The following VAMP4 variants were observed in gnomAD, a reference collection of about 807,000 sequenced individuals.
VAMP4 encodes vesicle associated membrane protein 4.
A neutral mutation model predicts 23.5 loss-of-function variants in VAMP4; 19 were observed. The ratio of observed to expected loss-of-function variants is 0.81; its 90% CI spans 0.56 to 1.19. VAMP4 has a LOEUF of 1.19. Ranked by LOEUF, VAMP4 falls within the 50% of genes most tolerant of loss-of-function variation. The pLI is 0.00. For missense variants in VAMP4, 145 were observed against 168.6 expected (o/e 0.86, Z 0.78); for synonymous variants, 31 against 51.0 (o/e 0.61, Z 1.67).
intron 2 of VAMP4, among the ~76,000 whole-genome samples, chr1:171,735,668 C>A (rs377480084): frequency 1.3e-5 from 2 of 152,102 alleles, no homozygotes; most frequent in Non-Finnish European, 2.9e-5. Context: ...TTCTTCTAAC[C>A]GATGATTTAA....
At position 171,709,736 on chromosome 1, in the gene VAMP4, A is replaced by G. The variant is rs745830452; in HGVS notation, c.274T>C (p.Ser92Pro). Residue 92 changes from serine (S) to proline (P), a missense_variant, in exon 6 of 8, where the codon TCG (serine) becomes CCG (proline). Transcript: ENST00000236192. ...TTGCTAAAAGCTGTTGCATTATCCG[A>G]TAAGCTTTCTATATCACATAGAGGA... Reference protein sequence around the residue: ...DELQDKSESLSDNATAFSNRS... With the variant: ...DELQDKSESLPDNATAFSNRS... 6 of 1,612,584 alleles carry G rather than the reference A, an allele frequency of 3.7e-6. No individual in the cohort carries two copies. Among genetic ancestry groups the G allele is most frequent in the Non-Finnish European group, 5.1e-6 (6 of 1,179,006 alleles).
In VAMP4 at chr1:171,709,754, A is replaced by G; in HGVS notation, c.266-10T>C. 6.2e-7 allele frequency: 1 copy of G among 1,603,976 alleles called. No individual in the cohort carries two copies. Among genetic ancestry groups the G allele is most frequent in the Non-Finnish European group, 8.5e-7 (1 of 1,171,178 alleles). ...TTATCCGATAAGCTTTCTATATCAC[A>G]TAGAGGATGGAGAGAAGGATTAAAC... On this transcript the variant is annotated splice_polypyrimidine_tract_variant and intron_variant, in intron 5 of 7. Transcript: ENST00000236192.
chr1:171,717,491 C>T (rs1191925304), intron 4 of VAMP4, among the ~76,000 whole-genome samples: 3 of 152,166 alleles, frequency 2.0e-5, no homozygotes, highest in East Asian at 1.9e-4. Context: ...TTTCTTATCA[C>T]CTCCCAGGTT....
At position 171,703,423 on chromosome 1, in the gene VAMP4, G is replaced by GTATATATA. The variant is rs1404198626; in HGVS notation, c.*1082_*1083insTATATATA. 7 of 81,926 alleles carry GTATATATA rather than the reference G, an allele frequency of 8.5e-5. No homozygotes were observed. The highest frequency in any genetic ancestry group is 1.5e-4 in the Admixed American group (1 of 6,836). 5.1% of individuals were successfully genotyped at this position (81,926 alleles called of 1,614,324 possible). A position where few individuals can be genotyped will look rare whatever the true frequency, so the allele number is the denominator to read the frequency against. Reference sequence around the variant, plus strand: ...TGTGTGTGTGTGTGTGTGTGTTTGTGTGTATATATATATATATATATATAT... The same window carrying GTATATATA: ...TGTGTGTGTGTGTGTGTGTGTTTGTGTATATATATGTATATATATATATATATATATAT... On this transcript the variant is annotated 3_prime_UTR_variant, in exon 8 of 8. Transcript: ENST00000236192.
chr1:171,738,702 T>C (rs951100619), intron 1 of VAMP4, among the ~76,000 whole-genome samples: 2 of 152,150 alleles, frequency 1.3e-5, no homozygotes, highest in South Asian at 2.1e-4. Context: ...ATGTGTAGGA[T>C]ATGAGTGATT....
rs1654510686 is a variant in VAMP4 at position 171,703,304 on chromosome 1, T to TAA, written c.*1200_*1201dup. ...CAAGGAGGTTGGCATATTTTAAAGT[T>TAA]AACACATTTTTTCATTATAAAAACA... On this transcript the variant is annotated 3_prime_UTR_variant, in exon 8 of 8. Coordinates refer to ENST00000236192, the MANE Select transcript of VAMP4 (RefSeq NM_003762.5). 1 of 150,732 alleles carries TAA rather than the reference T, an allele frequency of 6.6e-6. No homozygotes were observed. The highest frequency in any genetic ancestry group is 2.4e-5 in the African/African-American group (1 of 41,088). 9.3% of individuals were successfully genotyped at this position (150,732 alleles called of 1,614,324 possible).
At chr1:171,709,633 C>A in intron 6 of VAMP4, 32 bp downstream of exon 6, 8 of 1,602,554 alleles carry the variant, frequency 5.0e-6, no homozygotes, top group Non-Finnish European at 6.8e-6. Flanking sequence ...CAGATGCTGA[C>A]CAGTCTATCC....
At chr1:171,708,704 A>C (rs1442724006) in intron 6 of VAMP4, among the ~76,000 whole-genome samples, 2 of 150,944 alleles carry the variant, frequency 1.3e-5, no homozygotes, top group African/African-American at 4.9e-5. Context: ...CTACTAAAAA[A>C]AAAAAAAACA....
intron 2 of VAMP4, 93 bp downstream of exon 2, chr1:171,738,256 C>T: frequency 7.0e-7 from 1 of 1,438,588 alleles, no homozygotes; most frequent in Non-Finnish European, 9.6e-7. Flanking sequence ...GCATGAGCAA[C>T]CACGCCCGGA....
Position 171,702,257 on chromosome 1 carries a change from C to G in VAMP4, c.*2249G>C, listed in dbSNP as rs967442204. The G allele has an allele frequency of 2.0e-5, 3 of 151,774 alleles. No homozygotes were observed. Among genetic ancestry groups the G allele is most frequent in the African/African-American group, 7.3e-5 (3 of 41,356 alleles). The allele number at this position is 151,774 out of a possible 1,614,324, so 9.4% of individuals were successfully genotyped here. On this transcript the variant is annotated 3_prime_UTR_variant, in exon 8 of 8. Coordinates refer to ENST00000236192, the MANE Select transcript of VAMP4 (RefSeq NM_003762.5). ...TTAAGGATTTCAGGATTAATCAAGA[C>G]CAAGAAAGATGAAATGATGAATTAC... is the stretch of plus-strand genomic sequence containing the variant.
intron 3 of VAMP4, among the ~76,000 whole-genome samples, chr1:171,721,084 T>C (rs1208771432): frequency 6.6e-6 from 1 of 152,072 alleles, no homozygotes; most frequent in Non-Finnish European, 1.5e-5. Context: ...AAATAAATGC[T>C]TGACAAAATC....
Position 171,703,896 on chromosome 1 carries a change from C to T in VAMP4, c.*610G>A, listed in dbSNP as rs1305353509. Reference sequence around the variant, plus strand: ...AATTTCCATTTCCATAATCCAATGCCAAAAAAATTACTACACATTCTCTTA... The same window carrying T: ...AATTTCCATTTCCATAATCCAATGCTAAAAAAATTACTACACATTCTCTTA... On this transcript the variant is annotated 3_prime_UTR_variant, in exon 8 of 8. Coordinates refer to ENST00000236192, the MANE Select transcript of VAMP4 (RefSeq NM_003762.5). The T allele has an allele frequency of 1.3e-5, 2 of 152,058 alleles. No homozygotes were observed. The highest frequency in any genetic ancestry group is 4.8e-5 in the African/African-American group (2 of 41,306). The allele number at this position is 152,058 out of a possible 1,614,324, so 9.4% of individuals were successfully genotyped here. A position where few individuals can be genotyped will look rare whatever the true frequency, so the allele number is the denominator to read the frequency against.
chr1:171,719,661 C>T (rs1029837405), intron 3 of VAMP4, among the ~76,000 whole-genome samples: 2 of 151,776 alleles, frequency 1.3e-5, no homozygotes, highest in East Asian at 1.9e-4. Context: ...AGTGAACTGC[C>T]GATTGACAAA....
At chr1:171,733,765 C>A (rs1475967111) in intron 2 of VAMP4, among the ~76,000 whole-genome samples, 1 of 152,138 alleles carries the variant, frequency 6.6e-6, no homozygotes. Flanking sequence ...TGGAAAACAG[C>A]TGGGCAGTTC....
At chr1:171,705,768 C>A (rs1250889856) in intron 7 of VAMP4, among the ~76,000 whole-genome samples, 2 of 152,088 alleles carry the variant, frequency 1.3e-5, no homozygotes, top group African/African-American at 4.8e-5. Context: ...TAAAACCTCT[C>A]TGTAAACATA....
intron 3 of VAMP4, among the ~76,000 whole-genome samples, chr1:171,722,937 A>AC (rs1230590260): frequency 2.0e-5 from 3 of 152,002 alleles, no homozygotes; most frequent in Non-Finnish European, 2.9e-5. Flanking sequence ...CAAGGGAACC[A>AC]CCCCCGATAA....
chr1:171,702,942 T>C lies in VAMP4; in HGVS notation c.*1564A>G, dbSNP rs1411423067. 6.6e-6 allele frequency: 1 copy of C among 151,920 alleles called. No homozygotes were observed. The highest frequency in any genetic ancestry group is 2.4e-5 in the African/African-American group (1 of 41,416). 9.4% of individuals were successfully genotyped at this position (151,920 alleles called of 1,614,324 possible). A position where few individuals can be genotyped will look rare whatever the true frequency, so the allele number is the denominator to read the frequency against. On this transcript the variant is annotated 3_prime_UTR_variant, in exon 8 of 8. Transcript: ENST00000236192. The stretch of plus-strand genomic sequence containing the variant: ...CAGTCTGCTTTCTCTCTTCAAATTT[T>C]TTCCATTCTAAACAGCATTTTTTGC...
Position 171,719,643 on chromosome 1 carries a change from A to ATC in VAMP4, c.114-423_114-422insGA, listed in dbSNP as rs879624464. 7.9e-3 allele frequency among the ~76,000 whole-genome samples: 1,206 copies of ATC among 152,224 alleles called. 7 individuals are homozygous for ATC. The highest frequency in any genetic ancestry group is 0.013 in the Non-Finnish European group (893 of 67,954). ...AATTTAGACTATAATGAAATGAGGA[A>ATC]ACTACAAAGTGAACTGCCGATTGAC... On this transcript the variant is annotated intron_variant, in intron 3 of 7. Transcript: ENST00000236192.
At chr1:171,723,091 C>T (rs912756526) in intron 3 of VAMP4, among the ~76,000 whole-genome samples, 3 of 152,024 alleles carry the variant, frequency 2.0e-5, no homozygotes, top group Non-Finnish European at 2.9e-5. Flanking sequence ...CCCCCTACGC[C>T]GCAAAACCAG....
Sources: gnomAD v4.1 joint callset for allele counts (sites outside exome capture counted in the v4.1 genomes callset) on GRCh38, gnomAD v4.1.1 for gene constraint, MANE v1.5 for transcripts, NCBI Gene and HGNC (gene_info 2026-07-23, HGNC 2026-07-21) for gene names.